Variants in RAB1A observed in about 807,000 individuals in gnomAD.
RAB1A encodes the protein ras-related protein Rab-1A.
Under a neutral mutation model 26.0 loss-of-function variants are expected in RAB1A, and 2 were observed. The ratio of observed to expected loss-of-function variants is 0.08; its 90% CI spans 0.03 to 0.24. The LOEUF is 0.24. Ranked by LOEUF, RAB1A falls within the 10% of genes least tolerant of loss-of-function variation. The pLI is 1.00. For missense variants in RAB1A, 100 were observed against 247.0 expected (o/e 0.40, Z 3.99); for synonymous variants, 84 against 84.9 (o/e 0.99, Z 0.06).
At chr2:65,092,592 A>T (rs1313649448) in intron 3 of RAB1A, among the ~76,000 whole-genome samples, 1 of 152,206 alleles carries the variant, frequency 6.6e-6, no homozygotes, top group Non-Finnish European at 1.5e-5. Context: ...TTTTGACTAA[A>T]AGTCAACAAG....
At chr2:65,089,105 C>T (rs768969690) in intron 4 of RAB1A, 35 bp from the exon 5 acceptor site, 3 of 1,557,626 alleles carry the variant, frequency 1.9e-6, no homozygotes, top group South Asian at 1.1e-5. Context: ...TAATATAGTT[C>T]GATAATATAG....
Position 65,125,185 on chromosome 2 carries a change from T to C in RAB1A, c.23+4708A>G, listed in dbSNP as rs530819861. 7.9e-5 allele frequency among the ~76,000 whole-genome samples: 12 copies of C among 151,998 alleles called. No homozygotes were observed. In the East Asian group the frequency reaches 1.7e-3, roughly 22 times the overall value. ...GGATGGGGGCTAAAAATAAGGTAAATACTTTAAACTTTTTCTGCATTAAAG... is the reference window on the plus strand; with the variant it reads ...GGATGGGGGCTAAAAATAAGGTAAACACTTTAAACTTTTTCTGCATTAAAG... On this transcript the variant is annotated intron_variant, in intron 1 of 5. Transcript: ENST00000409784.
intron 1 of RAB1A, among the ~76,000 whole-genome samples, chr2:65,120,297 A>C (rs1170751074): frequency 1.3e-5 from 2 of 151,872 alleles, no homozygotes; most frequent in East Asian, 3.9e-4. Context: ...CTTTACTATA[A>C]ATACAAAAAA....
chr2:65,130,089 A>T lies in RAB1A; in HGVS notation c.-174T>A. 1 of 768,398 alleles carries T rather than the reference A, an allele frequency of 1.3e-6. No individual in the cohort carries two copies. Among genetic ancestry groups the T allele is most frequent in the Non-Finnish European group, 2.2e-6 (1 of 458,434 alleles). The allele number at this position is 768,398 out of a possible 1,614,324, so 47.6% of individuals were successfully genotyped here. A position where few individuals can be genotyped will look rare whatever the true frequency, so the allele number is the denominator to read the frequency against. ...AATCAGCAGCCGCCGCCACTCAGCTATCGCTTCCACCCAAAATGGCCGCCG... is the reference window on the plus strand; with the variant it reads ...AATCAGCAGCCGCCGCCACTCAGCTTTCGCTTCCACCCAAAATGGCCGCCG... On this transcript the variant is annotated 5_prime_UTR_variant, in exon 1 of 6. Coordinates refer to ENST00000409784, the MANE Select transcript of RAB1A (RefSeq NM_004161.5).
chr2:65,095,332 G>A (rs906071863), intron 3 of RAB1A, among the ~76,000 whole-genome samples: 4 of 151,232 alleles, frequency 2.6e-5, no homozygotes, highest in Admixed American at 6.6e-5. Context: ...CACGACGCCC[G>A]GACAGCCACT....
intron 2 of RAB1A, among the ~76,000 whole-genome samples, chr2:65,102,925 C>CA (rs879461402): frequency 0.017 from 1,961 of 116,544 alleles, 37 homozygotes; most frequent in Admixed American, 0.064. Flanking sequence ...TATTCCATCT[C>CA]AAAAAAAAAA....
chr2:65,110,339 G>A (rs1669666204), intron 1 of RAB1A, among the ~76,000 whole-genome samples: 1 of 151,838 alleles, frequency 6.6e-6, no homozygotes, highest in Non-Finnish European at 1.5e-5. Context: ...TACTCAGGAG[G>A]CTGAGGCAGG....
chr2:65,101,145 C>CAAA (rs11380005), intron 2 of RAB1A, among the ~76,000 whole-genome samples: 30 of 146,942 alleles, frequency 2.0e-4, no homozygotes, highest in African/African-American at 4.5e-4. Flanking sequence ...GACTCCATCT[C>CAAA]AAAAAAAAAA....
chr2:65,097,734 T>G (rs1054000134), intron 3 of RAB1A, among the ~76,000 whole-genome samples: 13 of 152,212 alleles, frequency 8.5e-5, no homozygotes, highest in Non-Finnish European at 1.9e-4. Flanking sequence ...AGGACCAAGT[T>G]TGACTTAAAA....
chr2:65,108,417 T>C (rs1669615910), intron 1 of RAB1A, among the ~76,000 whole-genome samples: 1 of 152,012 alleles, frequency 6.6e-6, no homozygotes, highest in Non-Finnish European at 1.5e-5. Context: ...ACAAGTTACA[T>C]TATGGTTTCA....
chr2:65,119,139 AG>A (rs755687549), intron 1 of RAB1A, among the ~76,000 whole-genome samples: 3 of 152,158 alleles, frequency 2.0e-5, no homozygotes, highest in Non-Finnish European at 2.9e-5. Context: ...TGGGAAGTCC[AG>A]GCTGCAGTAA....
chr2:65,101,702 T>C (rs903217974), intron 2 of RAB1A, among the ~76,000 whole-genome samples: 2 of 101,604 alleles, frequency 2.0e-5, no homozygotes, highest in Non-Finnish European at 4.1e-5. Flanking sequence ...AAGTTGAGCC[T>C]TTTTTTTTTT....
intron 3 of RAB1A, among the ~76,000 whole-genome samples, chr2:65,094,984 G>A (rs746652897): frequency 5.3e-5 from 8 of 152,138 alleles, no homozygotes; most frequent in South Asian, 2.1e-4. Context: ...TCTACAAGGC[G>A]GAGGAATAAG....
At chr2:65,121,543 G>T (rs1317793302) in intron 1 of RAB1A, among the ~76,000 whole-genome samples, 1 of 152,134 alleles carries the variant, frequency 6.6e-6, no homozygotes, top group African/African-American at 2.4e-5. Context: ...TCTCTCACAT[G>T]TTTCAGTCAG....
chr2:65,127,858 C>T (rs1301146054), intron 1 of RAB1A, among the ~76,000 whole-genome samples: 2 of 152,236 alleles, frequency 1.3e-5, no homozygotes, highest in East Asian at 1.9e-4. Context: ...CTCAGCCTCT[C>T]GAGTAGCTGG....
At chr2:65,122,741 C>T (rs1053041231) in intron 1 of RAB1A, among the ~76,000 whole-genome samples, 1 of 152,018 alleles carries the variant, frequency 6.6e-6, no homozygotes, top group African/African-American at 2.4e-5. Context: ...CTTTGAGAGG[C>T]AGAGGCAGGT....
chr2:65,129,250 C>T (rs1207255222), intron 1 of RAB1A, among the ~76,000 whole-genome samples: 3 of 149,240 alleles, frequency 2.0e-5, no homozygotes, highest in Non-Finnish European at 1.5e-5. Context: ...TATAGGAGGG[C>T]AATGGACCCG....
At chr2:65,119,499 T>G (rs560592566) in intron 1 of RAB1A, among the ~76,000 whole-genome samples, 66 of 150,466 alleles carry the variant, frequency 4.4e-4, no homozygotes, top group African/African-American at 1.5e-3. Context: ...AGGCAGAAGT[T>G]GCAATGACCC....
At chr2:65,115,221 T>C (rs922626453) in intron 1 of RAB1A, among the ~76,000 whole-genome samples, 3 of 152,246 alleles carry the variant, frequency 2.0e-5, no homozygotes, top group African/African-American at 7.2e-5. Context: ...TTTTATCTTC[T>C]TCTAAATGTC....
Sources: gnomAD v4.1 joint callset for allele counts (sites outside exome capture counted in the v4.1 genomes callset) on GRCh38, gnomAD v4.1.1 for gene constraint, MANE v1.5 for transcripts, NCBI Gene and HGNC (gene_info 2026-07-23, HGNC 2026-07-21) for gene names.